The following ZHX3 variants were observed in gnomAD, a reference collection of about 807,000 sequenced individuals.
The protein encoded by ZHX3 is zinc fingers and homeoboxes 3, also known as zinc fingers and homeoboxes protein 3.
Under a neutral mutation model 64.5 loss-of-function variants are expected in ZHX3, and 20 were observed. The observed-to-expected ratio is 0.31, with a 90% CI of 0.22 to 0.45. The LOEUF (loss-of-function observed/expected upper bound fraction) is 0.45, where lower values mean the gene tolerates loss of function less well. ZHX3 is among the 20% of genes least tolerant of loss of function. The pLI, the probability that ZHX3 is intolerant of heterozygous loss-of-function variation, is 1.00. For missense variants in ZHX3, 1,041 were observed against 1,195.8 expected (o/e 0.87, Z 1.91); for synonymous variants, 423 against 461.6 (o/e 0.92, Z 1.07).
At chr20:41,294,985 G>A (rs1281026896) in intron 1 of ZHX3, among the ~76,000 whole-genome samples, 2 of 152,196 alleles carry the variant, frequency 1.3e-5, no homozygotes, top group Non-Finnish European at 2.9e-5. Flanking sequence ...ATAGGCATGA[G>A]CCCCTGCGCC....
chr20:41,243,346 G>GA (rs2041503196), intron 2 of ZHX3, among the ~76,000 whole-genome samples: 1 of 152,144 alleles, frequency 6.6e-6, no homozygotes, highest in Non-Finnish European at 1.5e-5. Context: ...AAGGTAATAA[G>GA]AAACAGTTCC....
chr20:41,196,406 A>ATAATATATATATAT, intron 3 of ZHX3, among the ~76,000 whole-genome samples: 1 of 68,926 alleles, frequency 1.5e-5, no homozygotes, highest in East Asian at 6.4e-4. Context: ...TATATATTAT[A>ATAATATATATATAT]TATTATATAT....
At chr20:41,244,911 G>T (rs1342685957) in intron 2 of ZHX3, among the ~76,000 whole-genome samples, 1 of 152,134 alleles carries the variant, frequency 6.6e-6, no homozygotes, top group Non-Finnish European at 1.5e-5. Flanking sequence ...AAAAGCAAAA[G>T]GAGTTGGGAT....
intron 1 of ZHX3, among the ~76,000 whole-genome samples, chr20:41,276,309 T>G (rs1406757506): frequency 6.6e-6 from 1 of 152,110 alleles, no homozygotes; most frequent in East Asian, 1.9e-4. Context: ...GGGAAGTACT[T>G]TAAGAGTATA....
At chr20:41,206,547 A>C (rs905844220) in intron 2 of ZHX3, among the ~76,000 whole-genome samples, 1 of 152,226 alleles carries the variant, frequency 6.6e-6, no homozygotes, top group Non-Finnish European at 1.5e-5. Context: ...TGGAAGAAAG[A>C]GTATCAGTGA....
intron 1 of ZHX3, among the ~76,000 whole-genome samples, chr20:41,288,217 G>C (rs960401815): frequency 6.6e-6 from 1 of 152,062 alleles, no homozygotes; most frequent in African/African-American, 2.4e-5. Flanking sequence ...ATAGGGTTTT[G>C]CCATGTTGCC....
At position 41,200,440 on chromosome 20, in the gene ZHX3, CT is replaced by C. The variant is rs939156982; in HGVS notation, c.2860+1616del. Among the ~76,000 whole-genome samples, 1 of 152,196 alleles carries C rather than the reference CT, an allele frequency of 6.6e-6. No individual in the cohort carries two copies. Among genetic ancestry groups the C allele is most frequent in the African/African-American group, 2.4e-5 (1 of 41,434 alleles). On this transcript the variant is annotated intron_variant, in intron 3 of 3. Transcript: ENST00000683867. This position sits in a 1 kb window ranked among gnomAD's most constrained non-coding sequence, Gnocchi z 4.2. ...CTTGGACAAAGACTTGTAGGAGAGA[CT>C]ACCTGCTCTGCATTATAAAAAAGTT...
In ZHX3 at chr20:41,219,880, G is replaced by T. The variant is rs963789927; in HGVS notation, c.-150-14814C>A. 2.0e-5 allele frequency among the ~76,000 whole-genome samples: 3 copies of T among 152,230 alleles called. No individual in the cohort carries two copies. Among genetic ancestry groups the T allele is most frequent in the African/African-American group, 7.2e-5 (3 of 41,462 alleles). ...ACTATTTATTCTCTGGCCTGCAACT[G>T]GTTATGTTCCAGATGGCGGCTACTC... On this transcript the variant is annotated intron_variant, in intron 2 of 3. Coordinates refer to ENST00000683867, the MANE Select transcript of ZHX3 (RefSeq NM_001384317.1). The surrounding 1 kb of genome is among the most constrained non-coding windows in gnomAD (Gnocchi z 5.0).
chr20:41,224,058 AAAAT>A lies in ZHX3; in HGVS notation c.-150-18996_-150-18993del, dbSNP rs750332912. On this transcript the variant is annotated intron_variant, in intron 2 of 3. Transcript: ENST00000683867. This position sits in a 1 kb window ranked among gnomAD's most constrained non-coding sequence, Gnocchi z 5.2. ...TAGAGATATCCAATATACAAAACAA[AAAAT>A]AAATAAATAAAAGAACAAGCAAAAC... Among the ~76,000 whole-genome samples, 7 of 152,208 alleles carry A rather than the reference AAAAT, an allele frequency of 4.6e-5. No homozygotes were observed. The highest frequency in any genetic ancestry group is 8.8e-5 in the Non-Finnish European group (6 of 68,032).
intron 1 of ZHX3, among the ~76,000 whole-genome samples, chr20:41,273,221 G>C (rs1463689946): frequency 6.6e-6 from 1 of 151,906 alleles, no homozygotes; most frequent in Non-Finnish European, 1.5e-5. Flanking sequence ...TATTTTAATT[G>C]GGTTATCTTT....
intron 3 of ZHX3, among the ~76,000 whole-genome samples, chr20:41,193,918 T>G (rs1406133859): frequency 2.0e-5 from 3 of 152,162 alleles, no homozygotes; most frequent in Admixed American, 2.0e-4. Flanking sequence ...GCCAGGGTGG[T>G]CTCGATCTCT....
chr20:41,313,787 G>A (rs890354337), intron 1 of ZHX3, among the ~76,000 whole-genome samples: 4 of 152,000 alleles, frequency 2.6e-5, no homozygotes, highest in South Asian at 2.1e-4. Flanking sequence ...TAGTAGAGAC[G>A]GGGTTTCACC....
intron 1 of ZHX3, among the ~76,000 whole-genome samples, chr20:41,315,575 GC>G: frequency 6.6e-6 from 1 of 152,130 alleles, no homozygotes; most frequent in South Asian, 2.1e-4. Context: ...CCACAGCAAG[GC>G]CTTCAGAGTT....
intron 3 of ZHX3, among the ~76,000 whole-genome samples, chr20:41,196,417 AAT>A (rs1285620830): frequency 1.2e-4 from 4 of 33,222 alleles, no homozygotes; most frequent in Admixed American, 5.6e-4. Flanking sequence ...TATTATATAT[AAT>A]ATATATTTAT....
intron 3 of ZHX3, among the ~76,000 whole-genome samples, chr20:41,187,323 CAAAAA>C (rs57588943): frequency 1.3e-5 from 1 of 77,468 alleles, no homozygotes; most frequent in Admixed American, 1.4e-4. Context: ...GAACCTGTCT[CAAAAA>C]AAAAAAAAAA....
At chr20:41,220,673 T>G (rs1472460264) in intron 2 of ZHX3, among the ~76,000 whole-genome samples, 7 of 151,328 alleles carry the variant, frequency 4.6e-5, no homozygotes, top group South Asian at 2.1e-4. Context: ...TTTTTTTTGG[T>G]TTTTTTTGTT....
rs2038585171 is a variant in ZHX3, at chr20:41,205,034, T to C, written c.-118A>G. ...CAGTTTCTAAATGCAGCTTTTTCAG[T>C]TGTTTGCAGAAAGCAGGTTTTCCCT... On this transcript the variant is annotated 5_prime_UTR_variant, in exon 3 of 4. Coordinates refer to ENST00000683867, the MANE Select transcript of ZHX3 (RefSeq NM_001384317.1). 1.5e-6 allele frequency: 2 copies of C among 1,371,744 alleles called. No homozygotes were observed. Among genetic ancestry groups the C allele is most frequent in the African/African-American group, 1.5e-5 (1 of 68,218 alleles). The allele number at this position is 1,371,744 out of a possible 1,614,324, so 85.0% of individuals were successfully genotyped here.
chr20:41,240,853 T>G (rs1203956654), intron 2 of ZHX3, among the ~76,000 whole-genome samples: 1 of 152,252 alleles, frequency 6.6e-6, no homozygotes, highest in Non-Finnish European at 1.5e-5. Flanking sequence ...CTCATTCTTT[T>G]GTATCGTTGA....
In ZHX3 at chr20:41,245,339, C is replaced by G. The variant is rs180736846; in HGVS notation, c.-151+23651G>C. 3.9e-5 allele frequency among the ~76,000 whole-genome samples: 6 copies of G among 152,340 alleles called. 1 individual carries two copies. The highest frequency in any genetic ancestry group is 2.6e-4 in the Admixed American group (4 of 15,310). ...TGCTGTGCCTCCTCACACTTCAGCA[C>G]CCACAGCCTCTTGCCTCATGCAAGC... is the stretch of plus-strand genomic sequence containing the variant. On this transcript the variant is annotated intron_variant, in intron 2 of 3. Coordinates refer to ENST00000683867, the MANE Select transcript of ZHX3 (RefSeq NM_001384317.1).
Sources: gnomAD v4.1 joint callset for allele counts (sites outside exome capture counted in the v4.1 genomes callset) on GRCh38, gnomAD v4.1.1 for gene constraint, Gnocchi (gnomAD v3.1) non-coding constraint, MANE v1.5 for transcripts, NCBI Gene and HGNC (gene_info 2026-07-23, HGNC 2026-07-21) for gene names.